TLK1: variants seen among roughly 807,000 people sequenced by gnomAD.
The protein encoded by TLK1 is tousled like kinase 1.
A neutral mutation model predicts 105.3 loss-of-function variants in TLK1; 24 were observed. The observed-to-expected ratio is 0.23, with a 90% CI of 0.17 to 0.32. The LOEUF (loss-of-function observed/expected upper bound fraction) is 0.32, where lower values mean the gene tolerates loss of function less well. TLK1 is among the 10% of genes least tolerant of loss of function. TLK1 has a pLI of 1.00. For synonymous variants in TLK1, 321 were observed against 310.4 expected, an observed-to-expected ratio of 1.03 and a Z score of -0.36; for missense variants, 558 against 910.5, an observed-to-expected ratio of 0.61 and a Z score of 4.98.
At chr2:171,206,762 A>C (rs936560917) in intron 1 of TLK1, among the ~76,000 whole-genome samples, 1 of 152,252 alleles carries the variant, frequency 6.6e-6, no homozygotes, top group Non-Finnish European at 1.5e-5. Flanking sequence ...TATCTCACCA[A>C]AGAAGATCTA....
chr2:171,040,567 T>C (rs1686617904), intron 11 of TLK1, among the ~76,000 whole-genome samples: 2 of 98,450 alleles, frequency 2.0e-5, no homozygotes, highest in African/African-American at 3.6e-5. Flanking sequence ...ATTCCTTTTT[T>C]GTTTTTTTTT....
chr2:171,090,754 AT>A lies in TLK1; in HGVS notation c.259-7903del, dbSNP rs1305433248. On this transcript the variant is annotated intron_variant, in intron 2 of 20. Transcript: ENST00000431350. ...CAGAATTCATTCTCTATCAATAAAA[AT>A]ATCTTTCCTAGCTCCACTATAACTC... Among the ~76,000 whole-genome samples the A allele has an allele frequency of 3.3e-5, 5 of 152,368 alleles. 1 individual carries two copies. The highest frequency in any genetic ancestry group is 1.2e-4 in the African/African-American group (5 of 41,588).
Position 171,085,155 on chromosome 2 carries a change from G to A in TLK1, c.259-2303C>T, listed in dbSNP as rs1278744537. The stretch of plus-strand genomic sequence containing the variant: ...CTGTAATCCCAGCACTTTGGGAGGC[G>A]GAGGCGGGCAGATCACCTGAGGTCA... On this transcript the variant is annotated intron_variant, in intron 2 of 20. Coordinates refer to ENST00000431350, the MANE Select transcript of TLK1 (RefSeq NM_012290.5). 5.3e-5 allele frequency among the ~76,000 whole-genome samples: 8 copies of A among 151,948 alleles called. No individual in the cohort carries two copies. In the South Asian group the frequency reaches 6.2e-4, roughly 12 times the overall value.
intron 1 of TLK1, among the ~76,000 whole-genome samples, chr2:171,122,508 A>G (rs1055890938): frequency 1.3e-5 from 2 of 152,184 alleles, no homozygotes; most frequent in Non-Finnish European, 2.9e-5. Context: ...TACTATATAC[A>G]TTCATGTTTC....
chr2:171,143,935 C>T (rs920054554), intron 1 of TLK1, among the ~76,000 whole-genome samples: 4 of 152,072 alleles, frequency 2.6e-5, no homozygotes, highest in Non-Finnish European at 4.4e-5. Flanking sequence ...TCCAATTAAA[C>T]GCTGTCTACT....
chr2:171,077,010 G>A (rs1021314743), intron 3 of TLK1, among the ~76,000 whole-genome samples: 1 of 152,150 alleles, frequency 6.6e-6, no homozygotes, highest in Non-Finnish European at 1.5e-5. Context: ...TTAGCCAGCA[G>A]GTCAGGTACA....
intron 4 of TLK1, among the ~76,000 whole-genome samples, chr2:171,059,566 C>T (rs1323487743): frequency 3.9e-5 from 6 of 152,138 alleles, no homozygotes; most frequent in East Asian, 3.8e-4. Flanking sequence ...TATCCACCTA[C>T]AGATGGCCTG....
At chr2:171,133,340 T>C (rs1364980053) in intron 1 of TLK1, among the ~76,000 whole-genome samples, 1 of 152,182 alleles carries the variant, frequency 6.6e-6, no homozygotes, top group Admixed American at 6.6e-5. Flanking sequence ...CTCATGTCTG[T>C]AATCCCAGCA....
At chr2:171,091,205 T>C (rs1185697722) in intron 2 of TLK1, among the ~76,000 whole-genome samples, 4 of 152,214 alleles carry the variant, frequency 2.6e-5, no homozygotes, top group Non-Finnish European at 4.4e-5. Flanking sequence ...CCTGGCACTT[T>C]ACAGAAAAAG....
At chr2:171,221,768 T>G (rs1263772842) in intron 1 of TLK1, among the ~76,000 whole-genome samples, 1 of 152,202 alleles carries the variant, frequency 6.6e-6, no homozygotes, top group East Asian at 1.9e-4. Flanking sequence ...CACATGACCT[T>G]TCCTCTGTAC....
chr2:171,033,105 T>C (rs192551249), intron 11 of TLK1, among the ~76,000 whole-genome samples: 34 of 148,948 alleles, frequency 2.3e-4, no homozygotes, highest in African/African-American at 6.5e-4. Context: ...ACTTGGGAGG[T>C]TGAGAAAGGA....
intron 2 of TLK1, among the ~76,000 whole-genome samples, chr2:171,100,974 G>C (rs1475065856): frequency 2.6e-5 from 4 of 152,130 alleles, no homozygotes; most frequent in African/African-American, 9.7e-5. Context: ...CCATATAATG[G>C]AACAGTCTGT....
chr2:171,021,385 T>C (rs1685494399), intron 12 of TLK1, among the ~76,000 whole-genome samples: 1 of 151,472 alleles, frequency 6.6e-6, no homozygotes, highest in Non-Finnish European at 1.5e-5. Context: ...CTTCGTGTAG[T>C]GTACTGCAGT....
intron 13 of TLK1, among the ~76,000 whole-genome samples, chr2:171,011,718 C>T (rs1039339461): frequency 6.6e-6 from 1 of 152,096 alleles, no homozygotes; most frequent in Non-Finnish European, 1.5e-5. Context: ...CTCACAAAGA[C>T]CTAATAATTA....
At chr2:171,187,551 C>A (rs1693056049) in intron 1 of TLK1, among the ~76,000 whole-genome samples, 1 of 152,158 alleles carries the variant, frequency 6.6e-6, no homozygotes, top group Non-Finnish European at 1.5e-5. Flanking sequence ...ATGCCATGAG[C>A]TGAAGTGTTA....
At chr2:171,203,514 T>A (rs770983460) in intron 1 of TLK1, among the ~76,000 whole-genome samples, 6 of 152,232 alleles carry the variant, frequency 3.9e-5, no homozygotes, top group Non-Finnish European at 7.3e-5. Flanking sequence ...GTAGAATATG[T>A]CAAAATTTCC....
chr2:171,058,063 G>T, intron 5 of TLK1, 88 bp downstream of exon 5: 3 of 1,359,270 alleles, frequency 2.2e-6, no homozygotes, highest in South Asian at 2.4e-5. Context: ...GTAATCAAAA[G>T]CTGACCTTGT....
intron 13 of TLK1, among the ~76,000 whole-genome samples, chr2:171,012,453 G>C (rs141009840): frequency 6.6e-6 from 1 of 152,198 alleles, no homozygotes; most frequent in African/African-American, 2.4e-5. Flanking sequence ...AGTCAGCTTT[G>C]CAATACTAAT....
At chr2:171,081,600 A>G in intron 3 of TLK1, 1 of 1,263,934 alleles carries the variant, frequency 7.9e-7, no homozygotes, top group Non-Finnish European at 1.0e-6. Context: ...TTTAAAAACT[A>G]AACTGATAAT....
Sources: gnomAD v4.1 joint callset for allele counts (sites outside exome capture counted in the v4.1 genomes callset) on GRCh38, gnomAD v4.1.1 for gene constraint, MANE v1.5 for transcripts, NCBI Gene and HGNC (gene_info 2026-07-23, HGNC 2026-07-21) for gene names.